Variants in NCOR2 observed in about 807,000 individuals in gnomAD.
NCOR2 encodes nuclear receptor corepressor 2.
A neutral mutation model predicts 262.9 loss-of-function variants in NCOR2; 81 were observed. The observed-to-expected ratio is 0.31, with a 90% CI of 0.26 to 0.37. The LOEUF (loss-of-function observed/expected upper bound fraction) is 0.37. Ranked by LOEUF, NCOR2 falls within the 10% of genes least tolerant of loss-of-function variation. The pLI is 1.00. For missense variants in NCOR2, 3,385 were observed against 3,621.4 expected (o/e 0.93, Z 1.68); for synonymous variants, 1,659 against 1,559.3 (o/e 1.06, Z -1.51).
At chr12:124,411,549 G>C (rs1484919184) in intron 13 of NCOR2, among the ~76,000 whole-genome samples, 7 of 152,228 alleles carry the variant, frequency 4.6e-5, no homozygotes, top group African/African-American at 1.4e-4. Flanking sequence ...GGCCATATTG[G>C]CTACCAGGGG....
At position 124,355,454 on chromosome 12, in the gene NCOR2, C is replaced by T. The variant is rs2037876863; in HGVS notation, c.3359G>A (p.Arg1120Lys). 1 of 1,613,296 alleles carries T rather than the reference C, an allele frequency of 6.2e-7. No individual in the cohort carries two copies. Among genetic ancestry groups the T allele is most frequent in the Non-Finnish European group, 8.5e-7 (1 of 1,179,866 alleles). ...CACTTGGGAGATGGCACCTATTTGC[C>T]TCTCGAGGACGCTGGGGTGCTTGGC... Residue 1120 changes from arginine (R) to lysine (K), a missense_variant, in exon 24 of 47, where the codon AGG (arginine) becomes AAG (lysine). This residue lies in a region of NCOR2 where 1,615 missense variants were observed against 1,626.9 expected (regional missense o/e 0.99). Coordinates refer to ENST00000405201, the Ensembl canonical transcript of NCOR2.
chr12:124,371,946 G>T, intron 20 of NCOR2, 76 bp downstream of exon 22: 3 of 1,410,718 alleles, frequency 2.1e-6, no homozygotes, highest in Non-Finnish European at 2.8e-6. Flanking sequence ...GACTGGGTGC[G>T]GCTGTCTAAG....
At chr12:124,479,527 GCACACA>G (rs1243122787) in intron 3 of NCOR2, among the ~76,000 whole-genome samples, 1 of 150,548 alleles carries the variant, frequency 6.6e-6, no homozygotes, top group Non-Finnish European at 1.5e-5. Context: ...GCGCGCACAC[GCACACA>G]CACACCCGCA....
chr12:124,529,196 A>AAAAAAAAAAAACAAAAC (rs1566029114), intron 1 of NCOR2, among the ~76,000 whole-genome samples: 1 of 147,074 alleles, frequency 6.8e-6, no homozygotes, highest in African/African-American at 2.6e-5. Flanking sequence ...AAAAAAAAAA[A>AAAAAAAAAAAACAAAAC]AAAAAACACT....
intron 8 of NCOR2, among the ~76,000 whole-genome samples, chr12:124,436,869 C>A (rs1593531634): frequency 6.6e-6 from 1 of 152,200 alleles, no homozygotes; most frequent in East Asian, 1.9e-4. Context: ...GGGTGCATCA[C>A]CTGAGGTCGG....
intron 41 of NCOR2, among the ~76,000 whole-genome samples, chr12:124,333,865 T>C (rs1054306670): frequency 0.027 from 3,871 of 143,166 alleles, 152 homozygotes; most frequent in Admixed American, 0.06. Flanking sequence ...CATGTGTGTG[T>C]GCGCATGTGT....
At chr12:124,340,118 G>A (rs896066066) in exon 37 of NCOR2, 3 of 1,612,552 alleles carry the variant, frequency 1.9e-6, no homozygotes, top group African/African-American at 1.3e-5. Context: ...GGGGAGATGG[G>A]CGAGTGCTGG....
chr12:124,368,494 G>A (rs2039217137), intron 20 of NCOR2, among the ~76,000 whole-genome samples: 1 of 152,130 alleles, frequency 6.6e-6, no homozygotes, highest in Non-Finnish European at 1.5e-5. Context: ...ATAAAACCCT[G>A]ACCCGTCACT....
At chr12:124,370,091 C>A (rs1442669662) in intron 20 of NCOR2, among the ~76,000 whole-genome samples, 1 of 152,198 alleles carries the variant, frequency 6.6e-6, no homozygotes, top group Non-Finnish European at 1.5e-5. Flanking sequence ...GGGCGGGGAG[C>A]CGTCTGCCCT....
At chr12:124,328,246 T>G (rs76216928) in intron 44 of NCOR2, among the ~76,000 whole-genome samples, 10 of 152,206 alleles carry the variant, frequency 6.6e-5, no homozygotes, top group African/African-American at 2.2e-4. Context: ...AAGCTGGGCC[T>G]GCTCTCCTCC....
chr12:124,332,391 C>A (rs375952313), exon 43 of NCOR2: 2 of 1,614,082 alleles, frequency 1.2e-6, no homozygotes, highest in African/African-American at 1.3e-5. Context: ...TTGACCATGG[C>A]GGAGTTGCTC....
intron 11 of NCOR2, among the ~76,000 whole-genome samples, chr12:124,424,233 C>A (rs917086989): frequency 3.1e-4 from 47 of 152,240 alleles, no homozygotes; most frequent in African/African-American, 9.4e-4. Context: ...AAAATACATA[C>A]ACTAAAACAT....
chr12:124,333,147 C>T, exon 42 of NCOR2: 1 of 1,609,044 alleles, frequency 6.2e-7, no homozygotes, highest in Non-Finnish European at 8.5e-7. Context: ...CCGTCTGTTC[C>T]CCATCCCGGT....
rs1359060044 is a variant in NCOR2, at chr12:124,531,730, C to T, written c.-118+3835G>A. ...TTAAAGCCGGTCCTCCCAGAGCCCC[C>T]GAGAGGTGAGATCCCACCGGGCCAG... On this transcript the variant is annotated intron_variant, in intron 1 of 46. Transcript: ENST00000404621. The surrounding 1 kb of genome is among the most constrained non-coding windows in gnomAD (Gnocchi z 4.5). Among the ~76,000 whole-genome samples the T allele has an allele frequency of 1.3e-5, 2 of 152,020 alleles. No individual in the cohort carries two copies. The highest frequency in any genetic ancestry group is 2.9e-5 in the Non-Finnish European group (2 of 67,972).
At chr12:124,466,385 A>T in intron 4 of NCOR2, 99 bp from the exon 7 acceptor site, 1 of 1,024,004 alleles carries the variant, frequency 9.8e-7, no homozygotes, top group Non-Finnish European at 1.4e-6. Flanking sequence ...AGCCCGGGCC[A>T]CGGCCGCGCA....
intron 1 of NCOR2, among the ~76,000 whole-genome samples, chr12:124,512,155 G>A (rs868142643): frequency 4.6e-5 from 7 of 152,194 alleles, no homozygotes; most frequent in Middle Eastern, 3.4e-3. Context: ...CAAGTGATGC[G>A]CCCACCTCGG....
At chr12:124,542,089 T>G (rs999508448) in intron 1 of NCOR2, among the ~76,000 whole-genome samples, 5 of 151,830 alleles carry the variant, frequency 3.3e-5, no homozygotes, top group Non-Finnish European at 7.4e-5. Context: ...CATCGACCTC[T>G]TGCCCTCCCA....
intron 1 of NCOR2, among the ~76,000 whole-genome samples, chr12:124,528,429 A>C (rs1287056913): frequency 2.0e-5 from 3 of 152,166 alleles, no homozygotes; most frequent in Non-Finnish European, 2.9e-5. Flanking sequence ...AAGGAGAAGG[A>C]GGCCCCCTCT....
In NCOR2 at chr12:124,333,855, C is replaced by CGT. The variant is rs2035507612; in HGVS notation, c.6605+568_6605+569insAC. Among the ~76,000 whole-genome samples, 2 of 46,926 alleles carry CGT rather than the reference C, an allele frequency of 4.3e-5. 1 individual carries two copies. The highest frequency in any genetic ancestry group is 9.7e-5 in the Non-Finnish European group (2 of 20,698). 30.8% of individuals were successfully genotyped at this position (46,926 alleles called of 152,430 possible). ...GCGGGTGCGCCTGTGTGCGGGTGTG[C>CGT]ATGTGTGTGTGCGCATGTGTGCGGG... is the stretch of plus-strand genomic sequence containing the variant. On this transcript the variant is annotated intron_variant, in intron 41 of 46. Transcript: ENST00000405201.
Sources: allele counts gnomAD v4.1 joint callset (sites outside exome capture counted in the v4.1 genomes callset), GRCh38; gene constraint gnomAD v4.1.1; regional missense constraint gnomAD v4.1.1; non-coding constraint Gnocchi (gnomAD v3.1); transcripts MANE v1.5; gene names NCBI Gene and HGNC (gene_info 2026-07-23, HGNC 2026-07-21).